COL21A1: variants seen among roughly 807,000 people sequenced by gnomAD.
COL21A1 encodes the protein collagen type XXI alpha 1 chain.
A neutral mutation model predicts 137.9 loss-of-function variants in COL21A1; 149 were observed. The observed-to-expected ratio is 1.08, with a 90% confidence interval of 0.95 to 1.24. The LOEUF (loss-of-function observed/expected upper bound fraction) is 1.24, where lower values mean the gene tolerates loss of function less well. Among genes scored for constraint, COL21A1 ranks in the 50% most tolerant of loss-of-function variants. The pLI, the probability that COL21A1 is intolerant of heterozygous loss-of-function variation, is 0.00. For missense variants in COL21A1, 1,167 were observed against 1,158.4 expected, an observed-to-expected ratio of 1.01 and a Z score of -0.11; for synonymous variants, 456 against 391.5, an observed-to-expected ratio of 1.16 and a Z score of -1.95.
intron 1 of COL21A1, among the ~76,000 whole-genome samples, chr6:56,278,531 C>T (rs1763722424): frequency 1.3e-5 from 2 of 152,218 alleles, no homozygotes; most frequent in Admixed American, 1.3e-4. Flanking sequence ...TGGCCCAAGA[C>T]ACTTCTTTCT....
At chr6:56,240,295 T>C (rs2152324545) in intron 1 of COL21A1, among the ~76,000 whole-genome samples, 1 of 152,298 alleles carries the variant, frequency 6.6e-6, no homozygotes, top group Non-Finnish European at 1.5e-5. Flanking sequence ...TCTTCCACCA[T>C]GTGAGGATGC....
intron 16 of COL21A1, among the ~76,000 whole-genome samples, chr6:56,119,798 A>T (rs1285247872): frequency 6.6e-6 from 1 of 152,166 alleles, no homozygotes; most frequent in Non-Finnish European, 1.5e-5. Context: ...CCGAGAACAT[A>T]CACTAGGGAA....
chr6:56,144,058 C>G (rs1020584698), intron 10 of COL21A1, among the ~76,000 whole-genome samples: 1 of 152,188 alleles, frequency 6.6e-6, no homozygotes, highest in Non-Finnish European at 1.5e-5. Context: ...GTCTACTACT[C>G]TAGTTATCAC....
intron 1 of COL21A1, among the ~76,000 whole-genome samples, chr6:56,237,866 A>G (rs1210902385): frequency 6.6e-6 from 1 of 152,168 alleles, no homozygotes; most frequent in Non-Finnish European, 1.5e-5. Flanking sequence ...TGAGATGTAT[A>G]GTCTAAAAGT....
chr6:56,073,298 C>T (rs1481184668), intron 20 of COL21A1, among the ~76,000 whole-genome samples: 1 of 151,432 alleles, frequency 6.6e-6, no homozygotes, highest in Non-Finnish European at 1.5e-5. Flanking sequence ...CTGTGTGTAC[C>T]TATAGCTGCT....
intron 1 of COL21A1, among the ~76,000 whole-genome samples, chr6:56,283,440 G>T (rs866553894): frequency 1.2e-4 from 18 of 151,938 alleles, no homozygotes; most frequent in African/African-American, 4.1e-4. Context: ...ATAAATTTAG[G>T]CACGGAACAA....
At chr6:56,084,682 A>C (rs1259381886) in intron 17 of COL21A1, among the ~76,000 whole-genome samples, 1 of 152,172 alleles carries the variant, frequency 6.6e-6, no homozygotes, top group Non-Finnish European at 1.5e-5. Context: ...TGTCTTAAAA[A>C]GTTCTCAAAA....
intron 1 of COL21A1, among the ~76,000 whole-genome samples, chr6:56,270,358 G>T (rs757991165): frequency 9.2e-5 from 14 of 152,310 alleles, no homozygotes; most frequent in Non-Finnish European, 1.3e-4. Flanking sequence ...AATTCAACAA[G>T]AAGACTTAAC....
At chr6:56,190,290 C>T (rs1778574982) in intron 1 of COL21A1, among the ~76,000 whole-genome samples, 1 of 152,134 alleles carries the variant, frequency 6.6e-6, no homozygotes, top group Non-Finnish European at 1.5e-5. Context: ...ATACAAACTA[C>T]CATCAGAGAC....
chr6:56,370,881 A>G (rs2093987055), intron 1 of COL21A1, among the ~76,000 whole-genome samples: 1 of 152,234 alleles, frequency 6.6e-6, no homozygotes, highest in African/African-American at 2.4e-5. Context: ...ATTCCCAGAA[A>G]AAGAATGGAT....
intron 12 of COL21A1, among the ~76,000 whole-genome samples, chr6:56,130,168 TA>T (rs1773415379): frequency 7.5e-5 from 6 of 79,586 alleles, no homozygotes; most frequent in Admixed American, 1.4e-4. Flanking sequence ...CAGGGTTTTA[TA>T]TATATATATA....
At chr6:56,348,327 T>G (rs997674880) in intron 1 of COL21A1, among the ~76,000 whole-genome samples, 2 of 152,120 alleles carry the variant, frequency 1.3e-5, no homozygotes, top group East Asian at 3.9e-4. Flanking sequence ...TTCCAGGATA[T>G]GTGGGGACCA....
At chr6:56,125,676 A>G (rs1772997768) in intron 13 of COL21A1, 56 bp from the exon 14 acceptor site, 1 of 1,165,892 alleles carries the variant, frequency 8.6e-7, no homozygotes, top group Non-Finnish European at 1.2e-6. Context: ...TTTTTCTTAT[A>G]AAGAAAAAAT....
chr6:56,083,332 G>A (rs1452697897), intron 17 of COL21A1, among the ~76,000 whole-genome samples: 1 of 151,934 alleles, frequency 6.6e-6, no homozygotes, highest in East Asian at 1.9e-4. Context: ...TTGGTTTACA[G>A]CCCCAAGGAA....
At chr6:56,393,860 T>C (rs138721403) in intron 1 of COL21A1, 393 of 152,196 alleles carry the variant, frequency 2.6e-3, no homozygotes, top group Middle Eastern at 0.01. Flanking sequence ...TACCCAGTAA[T>C]GGAACTGACT....
At chr6:56,057,915 A>G in intron 29 of COL21A1, 71 bp from the exon 30 acceptor site, 2 of 1,065,354 alleles carry the variant, frequency 1.9e-6, no homozygotes, top group Non-Finnish European at 2.6e-6. Context: ...CAATTCTGCA[A>G]GAAACTTAAA....
chr6:56,133,287 G>A (rs886575487), intron 12 of COL21A1, among the ~76,000 whole-genome samples: 3 of 152,120 alleles, frequency 2.0e-5, no homozygotes, highest in African/African-American at 7.2e-5. Flanking sequence ...TGGAGTAAAA[G>A]CAACTCTTGT....
rs1454995725 is a variant in COL21A1 at position 56,129,735 on chromosome 6, A to G, written c.1543-3586T>C. 2.0e-5 allele frequency among the ~76,000 whole-genome samples: 3 copies of G among 150,760 alleles called. No homozygotes were observed. The East Asian group carries it at 5.9e-4, about 30-fold the overall frequency. On this transcript the variant is annotated intron_variant, in intron 12 of 29. Coordinates refer to ENST00000244728, the MANE Select transcript of COL21A1 (RefSeq NM_030820.4). ...GAGAGAGAGAGAGACAGACAGACAGAAAGATAGGTAGGGAGAGAAAAGACC... is the reference window on the plus strand; with the variant it reads ...GAGAGAGAGAGAGACAGACAGACAGGAAGATAGGTAGGGAGAGAAAAGACC...
chr6:56,218,296 TA>T (rs11416360), intron 1 of COL21A1, among the ~76,000 whole-genome samples: 30 of 148,270 alleles, frequency 2.0e-4, no homozygotes, highest in East Asian at 4.0e-4. Context: ...TATGGCTTTG[TA>T]AAAAAAAAAA....
Sources: gnomAD v4.1 joint callset for allele counts (sites outside exome capture counted in the v4.1 genomes callset) on GRCh38, gnomAD v4.1.1 for gene constraint, MANE v1.5 for transcripts, NCBI Gene and HGNC (gene_info 2026-07-23, HGNC 2026-07-21) for gene names.